The following EPS15L1 variants were observed in gnomAD, a reference collection of about 807,000 sequenced individuals.
EPS15L1 encodes epidermal growth factor receptor substrate 15-like 1.
A neutral mutation model predicts 117.1 loss-of-function variants in EPS15L1; 43 were observed. The ratio of observed to expected loss-of-function variants is 0.37; its 90% CI spans 0.29 to 0.47. The LOEUF is 0.47. Among genes scored for constraint, EPS15L1 ranks in the 20% least tolerant of loss-of-function variants. EPS15L1 has a pLI of 0.99. For synonymous variants in EPS15L1, 459 were observed against 470.5 expected, an observed-to-expected ratio of 0.98 and a Z score of 0.32; for missense variants, 981 against 1,164.0, an observed-to-expected ratio of 0.84 and a Z score of 2.29.
intron 4 of EPS15L1, 33 bp from the exon 5 acceptor site, chr19:16,437,898 G>C (rs1015987292): frequency 1.9e-6 from 3 of 1,539,590 alleles, no homozygotes; most frequent in African/African-American, 2.7e-5. Flanking sequence ...GGAGTAAACA[G>C]CATATCGCCA....
chr19:16,457,905 G>A (rs1203581182), intron 1 of EPS15L1, among the ~76,000 whole-genome samples: 1 of 151,854 alleles, frequency 6.6e-6, no homozygotes, highest in Non-Finnish European at 1.5e-5. Context: ...CAATGACTCA[G>A]CAGTGTGTCC....
Position 16,355,764 on chromosome 19 carries a change from C to T in EPS15L1, c.2674G>A (p.Glu892Lys). The change falls in exon 24 of 24, where the codon GAG becomes AAG. Residue 892 changes from glutamate (E) to lysine (K), a missense_variant. Physicochemically the swap from Glu to Lys is moderately conservative, Grantham distance 56 (BLOSUM62 1). Transcript: ENST00000455140. ...ATGGCCAGTTCCAGGTCCTCCTGCT[C>T]CTGCCGCCGCAGCCGCGCCAGCCTC... is the stretch of plus-strand genomic sequence containing the variant. ...QERLARLRRQEQEDLELAIAL... is the reference protein window; with the variant it reads ...QERLARLRRQKQEDLELAIAL... 2 of 1,536,088 alleles carry T rather than the reference C, an allele frequency of 1.3e-6. No homozygotes were observed. Among genetic ancestry groups the T allele is most frequent in the Non-Finnish European group, 1.7e-6 (2 of 1,146,840 alleles).
In EPS15L1 at chr19:16,404,776, T is replaced by C. The variant is rs745610786; in HGVS notation, c.1267-27A>G. On this transcript the variant is annotated intron_variant, in intron 13 of 23. Transcript: ENST00000455140. This position sits in a 1 kb window ranked among gnomAD's most constrained non-coding sequence, Gnocchi z 4.2. ...TAGGGAGGAGTTGCAGGGGTTTACG[T>C]GAGGATGGGAAAAATGAAGCATGTC... 12 of 1,611,000 alleles carry C rather than the reference T, an allele frequency of 7.4e-6. No homozygotes were observed. In the African/African-American group the frequency reaches 1.6e-4, roughly 22 times the overall value.
In EPS15L1 at chr19:16,385,110, C is replaced by A. The variant is rs370484313; in HGVS notation, c.2247+19G>T. ...AAAGACACTAGCAGAGGCGCGGGGG[C>A]TCCGTGGAGGGGCTTTACCTTGGAC... is the stretch of plus-strand genomic sequence containing the variant. On this transcript the variant is annotated intron_variant, in intron 21 of 23. Coordinates refer to ENST00000455140, the MANE Select transcript of EPS15L1 (RefSeq NM_001258374.3). The A allele has an allele frequency of 6.2e-7, 1 of 1,607,530 alleles. No individual in the cohort carries two copies. Among genetic ancestry groups the A allele is most frequent in the African/African-American group, 1.3e-5 (1 of 74,880 alleles).
At chr19:16,391,573 A>G (rs561870191) in intron 19 of EPS15L1, among the ~76,000 whole-genome samples, 6 of 150,974 alleles carry the variant, frequency 4.0e-5, no homozygotes, top group Non-Finnish European at 4.4e-5. Context: ...GAAGGCTATG[A>G]AGCACGCTCA....
chr19:16,363,532 T>C (rs568344605), intron 22 of EPS15L1, among the ~76,000 whole-genome samples: 3 of 152,300 alleles, frequency 2.0e-5, no homozygotes, highest in South Asian at 4.1e-4. Flanking sequence ...CCAGGCCTCA[T>C]TTTTGAGGCC....
At chr19:16,443,241 G>A (rs951592042) in intron 1 of EPS15L1, among the ~76,000 whole-genome samples, 15 of 152,158 alleles carry the variant, frequency 9.9e-5, no homozygotes, top group Admixed American at 9.8e-4. Context: ...GGACTATCTT[G>A]GGGGCAGGAT....
intron 22 of EPS15L1, among the ~76,000 whole-genome samples, chr19:16,375,056 C>T (rs1040371239): frequency 6.6e-6 from 1 of 152,156 alleles, no homozygotes; most frequent in African/African-American, 2.4e-5. Context: ...ATGCACAATG[C>T]AGTATGTGAG....
chr19:16,453,330 C>A (rs2145139091), intron 1 of EPS15L1, among the ~76,000 whole-genome samples: 1 of 152,246 alleles, frequency 6.6e-6, no homozygotes, highest in East Asian at 1.9e-4. Context: ...GTCTCTAACT[C>A]CTGGGTTCAA....
chr19:16,376,272 AAT>A (rs1330616860), intron 22 of EPS15L1, among the ~76,000 whole-genome samples: 3 of 152,200 alleles, frequency 2.0e-5, no homozygotes, highest in Admixed American at 2.0e-4. Flanking sequence ...TGGAACAGGC[AAT>A]GACCGGGTAG....
At position 16,404,801 on chromosome 19, in the gene EPS15L1, C is replaced by T. The variant is rs2092639414; in HGVS notation, c.1267-52G>A. ...TGAGGATGGGAAAAATGAAGCATGTCCAAGATAACGGGGGGCAGCCTGGGC... is the reference window on the plus strand; with the variant it reads ...TGAGGATGGGAAAAATGAAGCATGTTCAAGATAACGGGGGGCAGCCTGGGC... On this transcript the variant is annotated intron_variant, in intron 13 of 23. Transcript: ENST00000455140. This position sits in a 1 kb window ranked among gnomAD's most constrained non-coding sequence, Gnocchi z 4.2. 6.3e-7 allele frequency: 1 copy of T among 1,599,014 alleles called. No homozygotes were observed. The highest frequency in any genetic ancestry group is 1.7e-5 in the Admixed American group (1 of 59,278).
At position 16,402,334 on chromosome 19, in the gene EPS15L1, C is replaced by T; in HGVS notation, c.1778G>A (p.Ser593Asn). 1 of 1,610,084 alleles carries T rather than the reference C, an allele frequency of 6.2e-7. No individual in the cohort carries two copies. The highest frequency in any genetic ancestry group is 8.5e-7 in the Non-Finnish European group (1 of 1,178,560). Residue 593 changes from serine (S) to asparagine (N), a missense_variant, in exon 16 of 24, where the codon AGT (serine) becomes AAT (asparagine). Ser to Asn is a conservative substitution (Grantham distance 46). Transcript: ENST00000455140. The stretch of plus-strand genomic sequence containing the variant: ...TTCAACCTTTACCATGGCTCCAAAA[C>T]TGCCCCTCTCTGCCAGGGAGACGCC... ...SEGVSLAERG[S>N]FGAMDDPFKN...
intron 1 of EPS15L1, among the ~76,000 whole-genome samples, chr19:16,453,570 C>G (rs1195386173): frequency 6.6e-6 from 1 of 151,990 alleles, no homozygotes; most frequent in Non-Finnish European, 1.5e-5. Context: ...AAAATTAGCC[C>G]AGCGTGGTGG....
At chr19:16,426,763 C>A (rs935389452) in intron 8 of EPS15L1, among the ~76,000 whole-genome samples, 1 of 152,190 alleles carries the variant, frequency 6.6e-6, no homozygotes, top group African/African-American at 2.4e-5. Context: ...ACACACAGGA[C>A]TGGGTTCTCT....
intron 1 of EPS15L1, among the ~76,000 whole-genome samples, chr19:16,445,017 C>G (rs1381442031): frequency 6.6e-6 from 1 of 152,182 alleles, no homozygotes; most frequent in East Asian, 1.9e-4. Context: ...CCACGCCCAG[C>G]CCCAGGCGAG....
intron 6 of EPS15L1, 65 bp downstream of exon 6, chr19:16,436,872 G>C: frequency 7.7e-7 from 1 of 1,301,496 alleles, no homozygotes; most frequent in East Asian, 2.3e-5. Context: ...AACAATTCTA[G>C]AACAACTGCT....
chr19:16,386,249 G>A lies in EPS15L1; in HGVS notation c.2104-18C>T, dbSNP rs779321753. 1.7e-5 allele frequency: 28 copies of A among 1,604,768 alleles called. No homozygotes were observed. In the South Asian group the frequency reaches 3.0e-4, roughly 17 times the overall value. On this transcript the variant is annotated intron_variant, in intron 19 of 23. Transcript: ENST00000455140. ...GGGTCGAGCTAAATGAAAGGAGAGA[G>A]GAAAGAGTAAAAAGCAGTTCGTTGG... is the stretch of plus-strand genomic sequence containing the variant.
chr19:16,368,532 C>T (rs1243938537), intron 22 of EPS15L1, among the ~76,000 whole-genome samples: 1 of 151,644 alleles, frequency 6.6e-6, no homozygotes, highest in Non-Finnish European at 1.5e-5. Context: ...TGATCCCACA[C>T]ATCTCTCGTT....
intron 7 of EPS15L1, among the ~76,000 whole-genome samples, chr19:16,429,337 C>A (rs757584638): frequency 1.3e-5 from 2 of 152,084 alleles, no homozygotes; most frequent in Non-Finnish European, 2.9e-5. Flanking sequence ...CATCACGCTG[C>A]CAGCTTCCTG....
Sources: gnomAD v4.1 joint callset for allele counts (sites outside exome capture counted in the v4.1 genomes callset) on GRCh38, gnomAD v4.1.1 for gene constraint, Gnocchi (gnomAD v3.1) non-coding constraint, MANE v1.5 for transcripts, NCBI Gene and HGNC (gene_info 2026-07-23, HGNC 2026-07-21) for gene names.